The following AGL variants were observed in gnomAD, a reference collection of about 807,000 sequenced individuals.
The protein encoded by AGL is amylo-alpha-1,6-glucosidase and 4-alpha-glucanotransferase.
A neutral mutation model predicts 199.3 loss-of-function variants in AGL; 128 were observed. The observed-to-expected ratio is 0.64, with a 90% CI of 0.56 to 0.74. The LOEUF is 0.74. Among genes scored for constraint, AGL ranks in the 30% least tolerant of loss-of-function variants. The pLI, the probability that AGL is intolerant of heterozygous loss-of-function variation, is 0.00. For synonymous variants in AGL, 584 were observed against 594.7 expected (o/e 0.98, Z 0.26); for missense variants, 1,809 against 1,820.8 (o/e 0.99, Z 0.12).
At chr1:99,875,301 C>T in intron 9 of AGL, 45 bp downstream of exon 9, 3 of 1,611,892 alleles carry the variant, frequency 1.9e-6, no homozygotes, top group Middle Eastern at 1.7e-4. Context: ...CATCTTACTA[C>T]TATTTTTTTG....
intron 2 of AGL, among the ~76,000 whole-genome samples, chr1:99,860,775 A>G (rs1571224850): frequency 6.6e-6 from 1 of 152,066 alleles, no homozygotes; most frequent in South Asian, 2.1e-4. Context: ...ATCCCTTCCC[A>G]CTTCCACGTT....
chr1:99,908,853 T>C (rs1248458946), intron 27 of AGL, among the ~76,000 whole-genome samples: 1 of 152,114 alleles, frequency 6.6e-6, no homozygotes, highest in Non-Finnish European at 1.5e-5. Flanking sequence ...GCAAGGTTAT[T>C]CTGGTCTACT....
At chr1:99,886,480 G>T (rs530263210) in intron 20 of AGL, among the ~76,000 whole-genome samples, 1 of 118,202 alleles carries the variant, frequency 8.5e-6, no homozygotes, top group South Asian at 3.1e-4. Context: ...GCAAGACCCT[G>T]TCTCTAGAAA....
intron 7 of AGL, among the ~76,000 whole-genome samples, chr1:99,872,435 C>A (rs183091587): frequency 5.3e-5 from 8 of 152,246 alleles, no homozygotes; most frequent in Admixed American, 1.3e-4. Context: ...ATTTTCACAG[C>A]AAGTTATACC....
At chr1:99,857,658 G>A (rs1054608365) in intron 2 of AGL, among the ~76,000 whole-genome samples, 23 of 151,534 alleles carry the variant, frequency 1.5e-4, no homozygotes, top group East Asian at 3.9e-4. Flanking sequence ...AAAAAAATAC[G>A]AAAACCAGTC....
At chr1:99,900,515 TAAAG>T in intron 25 of AGL, 117 bp from the exon 26 acceptor site, 1 of 910,158 alleles carries the variant, frequency 1.1e-6, no homozygotes. Context: ...CATGAAAATA[TAAAG>T]AAATAGGGCA....
chr1:99,875,468 T>C lies in AGL; in HGVS notation c.1283+13T>C. 1 of 1,612,516 alleles carries C rather than the reference T, an allele frequency of 6.2e-7. No homozygotes were observed. The highest frequency in any genetic ancestry group is 1.7e-4 in the Middle Eastern group (1 of 6,058). On this transcript the variant is annotated intron_variant, in intron 10 of 33. Coordinates refer to ENST00000361915, the MANE Select transcript of AGL (RefSeq NM_000642.3). ...CTTTAGTTACCAGGTGTTGCATTTT[T>C]GTTTTTTTTCTTATTGATGGTTGAA...
At chr1:99,903,022 T>C (rs1214069888) in intron 27 of AGL, among the ~76,000 whole-genome samples, 1 of 152,252 alleles carries the variant, frequency 6.6e-6, no homozygotes, top group African/African-American at 2.4e-5. Context: ...TTTATAACTA[T>C]AATAATCGCC....
At chr1:99,890,437 G>A (rs1652789650) in intron 21 of AGL, among the ~76,000 whole-genome samples, 2 of 151,850 alleles carry the variant, frequency 1.3e-5, no homozygotes, top group African/African-American at 4.8e-5. Context: ...GCCCCTTGAG[G>A]GAAAGAACTT....
At chr1:99,887,147 A>G (rs955997267) in intron 20 of AGL, among the ~76,000 whole-genome samples, 1 of 152,218 alleles carries the variant, frequency 6.6e-6, no homozygotes, top group Non-Finnish European at 1.5e-5. Context: ...TTGAGCCAGA[A>G]CTAAATGGGA....
intron 25 of AGL, among the ~76,000 whole-genome samples, chr1:99,897,472 T>C (rs1239448758): frequency 1.3e-5 from 2 of 152,230 alleles, no homozygotes; most frequent in Non-Finnish European, 2.9e-5. Context: ...TAACTGAAGT[T>C]TGCATCTTTA....
In AGL at chr1:99,912,488, C is replaced by G. The variant is rs988176424; in HGVS notation, c.3920C>G (p.Pro1307Arg). The G allele has an allele frequency of 2.5e-5, 40 of 1,613,564 alleles. No homozygotes were observed. Among genetic ancestry groups the G allele is most frequent in the Non-Finnish European group, 3.2e-5 (38 of 1,179,800 alleles). Residue 1307 changes from proline (P) to arginine (R), a missense_variant, in exon 29 of 34, where the codon CCT (proline) becomes CGT (arginine). Transcript: ENST00000361915. The part of the protein sequence containing the change: ...LLELSKKNIF[P>R]YHEVTVKRHG... Reference sequence around the variant, plus strand: ...GAATTATCCAAAAAAAATATTTTCCCTTATCATGAAGTCACAGTAAAAAGA... The same window carrying G: ...GAATTATCCAAAAAAAATATTTTCCGTTATCATGAAGTCACAGTAAAAAGA...
At chr1:99,880,530 T>C in intron 13 of AGL, 102 bp from the exon 14 acceptor site, 1 of 1,308,262 alleles carries the variant, frequency 7.6e-7, no homozygotes, top group Non-Finnish European at 1.1e-6. Flanking sequence ...TTTTATAATA[T>C]TGATGTGGTC....
In AGL at chr1:99,881,378, C is replaced by T. The variant is rs144491501; in HGVS notation, c.2088C>T (p.Ser696=). Residue 696 remains serine (S), a synonymous_variant, in exon 16 of 34, where the codon AGC becomes AGT. Transcript: ENST00000361915. ...PSNTGEVNFQ[S]GIIAARCAIS... is the part of the protein sequence containing the mutation. ...ACACAGGTGAAGTTAATTTCCAAAG[C>T]GGCATTATTGCAGCCAGGTGTGCTA... 9.5e-5 allele frequency: 153 copies of T among 1,614,116 alleles called. No individual in the cohort carries two copies. The African/African-American group carries it at 1.5e-3, about 16-fold the overall frequency.
At chr1:99,871,631 A>T (rs185966169) in intron 7 of AGL, among the ~76,000 whole-genome samples, 1 of 152,196 alleles carries the variant, frequency 6.6e-6, no homozygotes, top group Non-Finnish European at 1.5e-5. Context: ...GTAGACGTCA[A>T]TATGGCTTGA....
intron 12 of AGL, among the ~76,000 whole-genome samples, chr1:99,879,572 G>A (rs983142118): frequency 5.9e-5 from 9 of 151,594 alleles, no homozygotes; most frequent in South Asian, 4.2e-4. Flanking sequence ...CAACAAGAGC[G>A]AAACTTGGTC....
intron 21 of AGL, among the ~76,000 whole-genome samples, chr1:99,890,773 C>G (rs1490582816): frequency 6.6e-6 from 1 of 152,102 alleles, no homozygotes; most frequent in Admixed American, 6.6e-5. Flanking sequence ...CTTGCTCTTT[C>G]TGAAACCAGT....
chr1:99,875,302 TA>T (rs1381869408), intron 9 of AGL, 46 bp downstream of exon 9: 8 of 1,611,880 alleles, frequency 5.0e-6, no homozygotes, highest in Middle Eastern at 3.3e-4. Context: ...ATCTTACTAC[TA>T]TTTTTTTGTT....
intron 17 of AGL, among the ~76,000 whole-genome samples, chr1:99,883,603 A>G (rs1344187293): frequency 6.6e-6 from 1 of 152,140 alleles, no homozygotes; most frequent in Admixed American, 6.5e-5. Flanking sequence ...CATTTTAATA[A>G]AACTTGGAAA....
Sources: gnomAD v4.1 joint callset for allele counts (sites outside exome capture counted in the v4.1 genomes callset) on GRCh38, gnomAD v4.1.1 for gene constraint, MANE v1.5 for transcripts, NCBI Gene and HGNC (gene_info 2026-07-23, HGNC 2026-07-21) for gene names.